Variants in RPH3A observed in about 807,000 individuals in gnomAD.
RPH3A encodes the protein rabphilin-3A.
RPH3A carries 48 observed loss-of-function variants against 102.2 expected under a neutral mutation model. That is an observed-to-expected ratio of 0.47 (90% confidence interval 0.37 to 0.60). The LOEUF (loss-of-function observed/expected upper bound fraction) is 0.60, where lower values mean the gene tolerates loss of function less well. RPH3A is among the 20% of genes least tolerant of loss of function. The pLI, the probability that RPH3A is intolerant of heterozygous loss-of-function variation, is 0.00. For synonymous variants in RPH3A, 310 were observed against 324.3 expected (o/e 0.96, Z 0.47); for missense variants, 781 against 910.1 (o/e 0.86, Z 1.83).
In RPH3A at chr12:112,895,164, G is replaced by A. The variant is rs768709012; in HGVS notation, c.1857+505G>A. On this transcript the variant is annotated intron_variant, in intron 20 of 21. Coordinates refer to ENST00000389385, the MANE Select transcript of RPH3A (RefSeq NM_001143854.2). ...GTGGCCTAGGCTGGAGTGCAGTGGC[G>A]TGATCTTGGCTCACTGCAACCTCCA... Among the ~76,000 whole-genome samples, 11 of 152,184 alleles carry A rather than the reference G, an allele frequency of 7.2e-5. No individual in the cohort carries two copies. The East Asian group carries it at 9.7e-4, about 13-fold the overall frequency.
intron 2 of RPH3A, among the ~76,000 whole-genome samples, chr12:112,814,003 G>T (rs1467418137): frequency 6.6e-6 from 1 of 151,486 alleles, no homozygotes; most frequent in African/African-American, 2.4e-5. Flanking sequence ...AGTGGGTATG[G>T]TGGGTATGGA....
intron 16 of RPH3A, among the ~76,000 whole-genome samples, chr12:112,884,482 G>C (rs917247619): frequency 7.2e-5 from 11 of 152,120 alleles, no homozygotes; most frequent in Non-Finnish European, 1.5e-4. Flanking sequence ...TTAAATTTTT[G>C]TGTAAATGTT....
Position 112,852,804 on chromosome 12 carries a change from G to T in RPH3A, c.230+4962G>T, listed in dbSNP as rs541965539. Among the ~76,000 whole-genome samples, 5 of 152,232 alleles carry T rather than the reference G, an allele frequency of 3.3e-5. No individual in the cohort carries two copies. In the East Asian group the frequency reaches 9.6e-4, roughly 29 times the overall value. On this transcript the variant is annotated intron_variant, in intron 5 of 21. Transcript: ENST00000389385. ...GAATTAGACATTTGCCTCCAAAATTGGTTTGCATTTCCACCTCTCTCCCTG... is the reference window on the plus strand; with the variant it reads ...GAATTAGACATTTGCCTCCAAAATTTGTTTGCATTTCCACCTCTCTCCCTG...
chr12:112,658,411 A>G (rs2040027662), intron 1 of RPH3A, among the ~76,000 whole-genome samples: 1 of 152,136 alleles, frequency 6.6e-6, no homozygotes, highest in African/African-American at 2.4e-5. Flanking sequence ...TCCTGACCTC[A>G]AGTGATCTGC....
chr12:112,633,844 G>T (rs1173599583), intron 1 of RPH3A, among the ~76,000 whole-genome samples: 2 of 152,280 alleles, frequency 1.3e-5, no homozygotes, highest in East Asian at 3.9e-4. Context: ...TCTGGATCTT[G>T]GTTTAGCCAG....
At chr12:112,845,482 G>C (rs765746966) in intron 4 of RPH3A, among the ~76,000 whole-genome samples, 1 of 152,186 alleles carries the variant, frequency 6.6e-6, no homozygotes, top group Non-Finnish European at 1.5e-5. Context: ...GCCCATCCTA[G>C]GGCCTCGGGA....
intron 1 of RPH3A, among the ~76,000 whole-genome samples, chr12:112,734,158 G>A (rs946283640): frequency 6.6e-6 from 1 of 152,184 alleles, no homozygotes. Context: ...GGTCCCATAA[G>A]ATTGTACTAC....
chr12:112,712,843 C>A (rs1487149464), intron 1 of RPH3A, among the ~76,000 whole-genome samples: 1 of 152,030 alleles, frequency 6.6e-6, no homozygotes, highest in Non-Finnish European at 1.5e-5. Flanking sequence ...TCCTGAGTAG[C>A]TGGGACTGTG....
intron 2 of RPH3A, among the ~76,000 whole-genome samples, chr12:112,799,081 C>T (rs4767010): frequency 0.035 from 5,356 of 152,260 alleles, 209 homozygotes; most frequent in Admixed American, 0.11. Flanking sequence ...GGATATAGGA[C>T]TTTGTGTTAA....
rs886084415 is a variant in RPH3A, at chr12:112,582,363, C to T, written c.-140+7044C>T. Among the ~76,000 whole-genome samples the T allele has an allele frequency of 6.8e-5, 10 of 147,142 alleles. 2 individuals carry two copies. The highest frequency in any genetic ancestry group is 2.0e-4 in the East Asian group (1 of 5,098). On this transcript the variant is annotated intron_variant, in intron 1 of 21. Coordinates refer to the RPH3A transcript ENST00000543106. Reference sequence around the variant, plus strand: ...TGGGCTTGAGCAATTCTCCCACATCCGCCTGCCAAAGTGATAGGATTATAG... The same window carrying T: ...TGGGCTTGAGCAATTCTCCCACATCTGCCTGCCAAAGTGATAGGATTATAG...
intron 1 of RPH3A, among the ~76,000 whole-genome samples, chr12:112,593,629 GA>G (rs1194079085): frequency 6.6e-6 from 1 of 152,210 alleles, no homozygotes; most frequent in African/African-American, 2.4e-5. Flanking sequence ...TTTTCTCATA[GA>G]TGGTGCGTTA....
At chr12:112,863,037 A>C (rs2042548026) in intron 5 of RPH3A, among the ~76,000 whole-genome samples, 1 of 152,008 alleles carries the variant, frequency 6.6e-6, no homozygotes, top group African/African-American at 2.4e-5. Flanking sequence ...TCCTCATTTG[A>C]GGGATGGGCA....
intron 2 of RPH3A, among the ~76,000 whole-genome samples, chr12:112,827,172 T>C (rs762800407): frequency 1.3e-5 from 2 of 152,192 alleles, no homozygotes; most frequent in Non-Finnish European, 2.9e-5. Flanking sequence ...TCATCAACTT[T>C]AGAATATTTT....
intron 1 of RPH3A, among the ~76,000 whole-genome samples, chr12:112,599,956 A>G (rs1242471625): frequency 2.0e-5 from 3 of 152,170 alleles, no homozygotes; most frequent in Non-Finnish European, 4.4e-5. Flanking sequence ...GGAGTGCATC[A>G]CGGGATGATA....
chr12:112,878,349 C>G (rs1282797835), intron 13 of RPH3A, among the ~76,000 whole-genome samples: 3 of 152,176 alleles, frequency 2.0e-5, no homozygotes, highest in Non-Finnish European at 4.4e-5. Context: ...ATTAACTTAT[C>G]CCGGCTGTTT....
At chr12:112,781,051 T>C (rs2041003737) in intron 1 of RPH3A, among the ~76,000 whole-genome samples, 1 of 152,096 alleles carries the variant, frequency 6.6e-6, no homozygotes, top group Non-Finnish European at 1.5e-5. Flanking sequence ...TCCCAGCTAC[T>C]GGGGAGGCTG....
chr12:112,616,642 A>G (rs183173351), intron 1 of RPH3A, among the ~76,000 whole-genome samples: 245 of 152,340 alleles, frequency 1.6e-3, no homozygotes, highest in African/African-American at 5.6e-3. Flanking sequence ...AAGTTAAGCA[A>G]TGTGCTCAGG....
At chr12:112,873,244 G>C (rs997737004) in intron 10 of RPH3A, among the ~76,000 whole-genome samples, 1 of 152,170 alleles carries the variant, frequency 6.6e-6, no homozygotes, top group Non-Finnish European at 1.5e-5. Flanking sequence ...GCTCTTTTTG[G>C]ATAGGTACTA....
chr12:112,819,248 G>C (rs1273983800), intron 2 of RPH3A, among the ~76,000 whole-genome samples: 1 of 151,946 alleles, frequency 6.6e-6, no homozygotes, highest in Admixed American at 6.6e-5. Context: ...TGGGATTACA[G>C]GCATGCACCA....
Sources: allele counts gnomAD v4.1 joint callset (sites outside exome capture counted in the v4.1 genomes callset), GRCh38; gene constraint gnomAD v4.1.1; transcripts MANE v1.5; gene names NCBI Gene and HGNC (gene_info 2026-07-23, HGNC 2026-07-21).